The following TAFA1 variants were observed in gnomAD, a reference collection of about 807,000 sequenced individuals.
The protein encoded by TAFA1 is chemokine-like protein TAFA-1.
Under a neutral mutation model 18.5 loss-of-function variants are expected in TAFA1, and 4 were observed. The observed-to-expected ratio is 0.22, with a 90% CI of 0.11 to 0.49. The LOEUF is 0.49. Among genes scored for constraint, TAFA1 ranks in the 20% least tolerant of loss-of-function variants. TAFA1 has a pLI of 0.98. For synonymous variants in TAFA1, 56 were observed against 55.2 expected, an observed-to-expected ratio of 1.01 and a Z score of -0.06; for missense variants, 147 against 169.0, an observed-to-expected ratio of 0.87 and a Z score of 0.72.
intron 3 of TAFA1, among the ~76,000 whole-genome samples, chr3:68,426,395 A>C (rs1238835897): frequency 6.6e-6 from 1 of 151,910 alleles, no homozygotes; most frequent in Non-Finnish European, 1.5e-5. Context: ...GACATATAAA[A>C]CTTTATAAAT....
At chr3:68,530,359 C>T (rs1464695324) in intron 3 of TAFA1, among the ~76,000 whole-genome samples, 2 of 152,132 alleles carry the variant, frequency 1.3e-5, no homozygotes, top group Non-Finnish European at 2.9e-5. Context: ...ATTGATTCTC[C>T]TTTTACAGCC....
At position 68,017,384 on chromosome 3, in the gene TAFA1, A is replaced by G. The variant is rs187470833; in HGVS notation, c.118+10640A>G. 3.5e-3 allele frequency among the ~76,000 whole-genome samples: 531 copies of G among 152,330 alleles called. 2 individuals carry two copies. Among genetic ancestry groups the G allele is most frequent in the Non-Finnish European group, 4.3e-3 (293 of 68,018 alleles). Reference sequence around the variant, plus strand: ...CAAATTTATGGCGTGCATGTTGCCAATCTCCAGACTTCTATCTATCACCAG... The same window carrying G: ...CAAATTTATGGCGTGCATGTTGCCAGTCTCCAGACTTCTATCTATCACCAG... On this transcript the variant is annotated intron_variant, in intron 2 of 4. Coordinates refer to ENST00000478136, the MANE Select transcript of TAFA1 (RefSeq NM_213609.4).
chr3:68,001,997 T>C (rs990626905), upstream of TAFA1, among the ~76,000 whole-genome samples: 4 of 152,166 alleles, frequency 2.6e-5, no homozygotes, highest in African/African-American at 9.7e-5. Context: ...TCAGTTCTAA[T>C]GACACCTCAC....
chr3:68,459,492 C>T (rs2071733587), intron 3 of TAFA1, among the ~76,000 whole-genome samples: 1 of 57,002 alleles, frequency 1.8e-5, no homozygotes, highest in African/African-American at 1.4e-4. Flanking sequence ...TTTTAACGCA[C>T]TAGAAGAATA....
chr3:68,160,030 G>A (rs1036613560), intron 2 of TAFA1, among the ~76,000 whole-genome samples: 2 of 152,184 alleles, frequency 1.3e-5, no homozygotes, highest in African/African-American at 4.8e-5. Flanking sequence ...GACCAAACCT[G>A]TGTTTAGATT....
chr3:68,312,276 C>T (rs187735739), intron 2 of TAFA1, among the ~76,000 whole-genome samples: 19 of 152,322 alleles, frequency 1.2e-4, no homozygotes, highest in East Asian at 9.7e-4. Flanking sequence ...ACCTTTGGCT[C>T]CTCATTACTT....
In TAFA1 at chr3:68,305,433, A is replaced by C. The variant is rs1471904684; in HGVS notation, c.119-111847A>C. Among the ~76,000 whole-genome samples, 204 of 103,286 alleles carry C rather than the reference A, an allele frequency of 2.0e-3. 3 individuals are homozygous for C. The East Asian group carries it at 0.025, about 13-fold the overall frequency. The allele number at this position is 103,286 out of a possible 152,430, so 67.8% of individuals were successfully genotyped here. On this transcript the variant is annotated intron_variant, in intron 2 of 4. Coordinates refer to ENST00000478136, the MANE Select transcript of TAFA1 (RefSeq NM_213609.4). ...ACTATATATATATATATATATATAT[A>C]TATATATATATATATATATATATAG...
At chr3:68,061,378 CT>C (rs1323028662) in intron 2 of TAFA1, among the ~76,000 whole-genome samples, 8 of 152,148 alleles carry the variant, frequency 5.3e-5, no homozygotes, top group Non-Finnish European at 1.0e-4. Context: ...GTAATTCAGT[CT>C]GTGTGTCCTG....
intron 2 of TAFA1, among the ~76,000 whole-genome samples, chr3:68,152,745 G>T (rs1194554886): frequency 3.9e-5 from 6 of 152,040 alleles, no homozygotes; most frequent in Admixed American, 6.6e-5. Context: ...TGATGAGGTG[G>T]CCCCCACCAT....
chr3:68,440,868 T>G (rs2071362233), intron 3 of TAFA1, among the ~76,000 whole-genome samples: 1 of 152,124 alleles, frequency 6.6e-6, no homozygotes, highest in Non-Finnish European at 1.5e-5. Context: ...CCTGTTGACT[T>G]AAAGGTAGAG....
chr3:68,283,598 G>C (rs1363136282), intron 2 of TAFA1, among the ~76,000 whole-genome samples: 1 of 152,110 alleles, frequency 6.6e-6, no homozygotes, highest in African/African-American at 2.4e-5. Context: ...GTAAAATGGA[G>C]TAATAAAACC....
the TAFA1 span, among the ~76,000 whole-genome samples, chr3:67,998,503 G>T: frequency 6.6e-6 from 1 of 152,082 alleles, no homozygotes; most frequent in African/African-American, 2.4e-5. Context: ...CCTTCCCCCT[G>T]GTCAAGGTCA....
rs141850916 is a variant in TAFA1 at position 68,532,561 on chromosome 3, A to G, written c.260-6195A>G. The stretch of plus-strand genomic sequence containing the variant: ...GCATTTCAGAGCCATTTCTGTGTCT[A>G]CAGCCCCTCTGAGTAGCCATCTCAA... On this transcript the variant is annotated intron_variant, in intron 3 of 4. Transcript: ENST00000478136. Among the ~76,000 whole-genome samples the G allele has an allele frequency of 3.3e-3, 495 of 152,260 alleles. 2 individuals are homozygous for G. The highest frequency in any genetic ancestry group is 0.011 in the African/African-American group (469 of 41,560).
At chr3:68,161,759 G>A (rs2065927535) in intron 2 of TAFA1, among the ~76,000 whole-genome samples, 1 of 152,042 alleles carries the variant, frequency 6.6e-6, no homozygotes, top group African/African-American at 2.4e-5. Flanking sequence ...TTTTCCTCAA[G>A]CTGGGCCTTG....
chr3:68,335,099 G>T (rs191405692), intron 2 of TAFA1, among the ~76,000 whole-genome samples: 1 of 152,316 alleles, frequency 6.6e-6, no homozygotes, highest in East Asian at 1.9e-4. Flanking sequence ...CAAGCTTCAT[G>T]AGAAATGTGT....
intron 2 of TAFA1, among the ~76,000 whole-genome samples, chr3:68,146,280 G>A (rs947008527): frequency 1.5e-4 from 23 of 152,204 alleles, no homozygotes; most frequent in Non-Finnish European, 2.5e-4. Context: ...GTTCTGTTGA[G>A]GCTGGCGTAG....
At chr3:68,392,181 A>C (rs1575828571) in intron 2 of TAFA1, among the ~76,000 whole-genome samples, 1 of 148,688 alleles carries the variant, frequency 6.7e-6, no homozygotes. Context: ...GAAAGCAAAA[A>C]AAAAAAAAAA....
intron 2 of TAFA1, among the ~76,000 whole-genome samples, chr3:68,393,670 C>T (rs906895093): frequency 6.6e-6 from 1 of 152,172 alleles, no homozygotes; most frequent in Admixed American, 6.5e-5. Flanking sequence ...CCAGCACAAT[C>T]AAGTCAGCTT....
Position 68,243,066 on chromosome 3 carries a change from C to T in TAFA1, c.119-174214C>T, listed in dbSNP as rs578188569. 1.1e-4 allele frequency among the ~76,000 whole-genome samples: 16 copies of T among 151,538 alleles called. No individual in the cohort carries two copies. In the South Asian group the frequency reaches 3.3e-3, roughly 32 times the overall value. ...TCTTAATCATACCAGTGAGCTTTAT[C>T]TTTCTTTAATGATTTTTTTTTTCGA... On this transcript the variant is annotated intron_variant, in intron 2 of 4. Transcript: ENST00000478136.
Sources: gnomAD v4.1 joint callset for allele counts (sites outside exome capture counted in the v4.1 genomes callset) on GRCh38, gnomAD v4.1.1 for gene constraint, MANE v1.5 for transcripts, NCBI Gene and HGNC (gene_info 2026-07-23, HGNC 2026-07-21) for gene names.